TCEA1: variants seen among roughly 807,000 people sequenced by gnomAD.
The protein encoded by TCEA1 is transcription elongation factor A1.
TCEA1 carries 21 observed loss-of-function variants against 43.8 expected under a neutral mutation model. The observed-to-expected ratio is 0.48, with a 90% CI of 0.34 to 0.69. TCEA1 has a LOEUF of 0.69. Ranked by LOEUF, TCEA1 falls within the 30% of genes least tolerant of loss-of-function variation. The pLI is 0.01. For missense variants in TCEA1, 250 were observed against 365.1 expected, an observed-to-expected ratio of 0.68 and a Z score of 2.57; for synonymous variants, 104 against 117.5, an observed-to-expected ratio of 0.88 and a Z score of 0.75.
In TCEA1 at chr8:53,974,550, G is replaced by A. The variant is rs191461939; in HGVS notation, c.826-4087C>T. 2.4e-4 allele frequency among the ~76,000 whole-genome samples: 37 copies of A among 151,306 alleles called. 1 individual carries two copies. The highest frequency in any genetic ancestry group is 5.8e-4 in the East Asian group (3 of 5,134). On this transcript the variant is annotated intron_variant, in intron 8 of 9. Transcript: ENST00000521604. ...GTGGGGGTGGGGGTGGGGGGGGGAC[G>A]GAGTTTCATTCTTGTCACCCAGGCT...
At chr8:54,004,963 G>A (rs986146321) in intron 2 of TCEA1, among the ~76,000 whole-genome samples, 9 of 151,306 alleles carry the variant, frequency 5.9e-5, no homozygotes, top group South Asian at 2.1e-4. Context: ...AAAACTAGCC[G>A]AATCTATTAC....
At chr8:54,019,446 T>C (rs1804951971) in intron 1 of TCEA1, among the ~76,000 whole-genome samples, 1 of 151,860 alleles carries the variant, frequency 6.6e-6, no homozygotes, top group Non-Finnish European at 1.5e-5. Flanking sequence ...GGTGCACACC[T>C]GTAGTCCCAG....
In TCEA1 at chr8:53,981,186, A is replaced by G. The variant is rs544187954; in HGVS notation, c.679-2015T>C. On this transcript the variant is annotated intron_variant, in intron 7 of 9. Transcript: ENST00000521604. ...CATAGTACAAAATGCAAGGTGAAGCAGCAAGTGCTGATGGAGAAGCTACGG... is the reference window on the plus strand; with the variant it reads ...CATAGTACAAAATGCAAGGTGAAGCGGCAAGTGCTGATGGAGAAGCTACGG... Among the ~76,000 whole-genome samples, 2 of 152,388 alleles carry G rather than the reference A, an allele frequency of 1.3e-5. 1 individual carries two copies. Among genetic ancestry groups the G allele is most frequent in the South Asian group, 4.1e-4 (2 of 4,830 alleles).
intron 1 of TCEA1, 42 bp downstream of exon 1, chr8:54,022,021 G>C (rs763146669): frequency 1.3e-6 from 2 of 1,551,472 alleles, no homozygotes; most frequent in Non-Finnish European, 1.7e-6. Flanking sequence ...GCCGGACCGC[G>C]GCCCGGCCTC....
At chr8:53,998,431 T>G (rs1426583398) in intron 3 of TCEA1, among the ~76,000 whole-genome samples, 1 of 152,178 alleles carries the variant, frequency 6.6e-6, no homozygotes, top group Non-Finnish European at 1.5e-5. Context: ...CATACTTTCT[T>G]CTATAGGAAA....
At chr8:53,993,646 A>G (rs755889580) in intron 4 of TCEA1, 22 bp downstream of exon 4, 16 of 1,571,272 alleles carry the variant, frequency 1.0e-5, no homozygotes, top group Admixed American at 8.9e-5. Flanking sequence ...CAATATAAAT[A>G]TATGTCTATA....
chr8:53,990,833 C>G (rs966147079), intron 4 of TCEA1, among the ~76,000 whole-genome samples: 5 of 152,208 alleles, frequency 3.3e-5, no homozygotes, highest in African/African-American at 1.2e-4. Context: ...CCTTTCTAAG[C>G]ATTTAAACAC....
At chr8:53,983,032 C>T (rs1803563144) in intron 7 of TCEA1, among the ~76,000 whole-genome samples, 1 of 152,194 alleles carries the variant, frequency 6.6e-6, no homozygotes, top group Non-Finnish European at 1.5e-5. Flanking sequence ...AAAATTACCA[C>T]AGCCACCTCA....
chr8:54,022,424 T>G lies in TCEA1; in HGVS notation c.-299A>C. ...TGTTCCCGCCAGGCGGGCGTCGGGC[T>G]AGTGGGCAGGCGTGGCTTCCGGCTA... On this transcript the variant is annotated 5_prime_UTR_variant, in exon 1 of 10. Transcript: ENST00000521604. 2.2e-6 allele frequency: 1 copy of G among 457,398 alleles called. No individual in the cohort carries two copies. The highest frequency in any genetic ancestry group is 3.9e-6 in the Non-Finnish European group (1 of 256,494). The allele number at this position is 457,398 out of a possible 1,614,324, so 28.3% of individuals were successfully genotyped here. A position where few individuals can be genotyped will look rare whatever the true frequency, so the allele number is the denominator to read the frequency against.
At chr8:54,015,801 C>T (rs1468689260) in intron 1 of TCEA1, among the ~76,000 whole-genome samples, 1 of 152,088 alleles carries the variant, frequency 6.6e-6, no homozygotes, top group Non-Finnish European at 1.5e-5. Context: ...TGGACTAATC[C>T]AATTTGTACT....
chr8:54,008,172 C>CAAAAAA (rs777634895), intron 2 of TCEA1, among the ~76,000 whole-genome samples: 2 of 42,328 alleles, frequency 4.7e-5, no homozygotes, highest in Non-Finnish European at 8.8e-5. Context: ...AACTGTGTCT[C>CAAAAAA]AAAAAAAAAA....
chr8:54,011,023 A>C (rs753684941), intron 1 of TCEA1, among the ~76,000 whole-genome samples: 5 of 152,196 alleles, frequency 3.3e-5, no homozygotes, highest in Middle Eastern at 3.4e-3. Context: ...AGCTGGTCTC[A>C]AACTTCTGAT....
intron 2 of TCEA1, 134 bp from the exon 3 acceptor site, chr8:54,000,184 T>G: frequency 1.7e-6 from 1 of 581,410 alleles, no homozygotes. Context: ...TGGATCCTTA[T>G]AATAGCAAAT....
At chr8:53,971,288 G>C (rs1349222041) in intron 8 of TCEA1, 1 of 152,256 alleles carries the variant, frequency 6.6e-6, no homozygotes, top group African/African-American at 2.4e-5. Flanking sequence ...AAGAACCTGA[G>C]ATTTTGGGAA....
At chr8:53,993,574 A>T in intron 4 of TCEA1, 94 bp downstream of exon 4, 1 of 934,342 alleles carries the variant, frequency 1.1e-6, no homozygotes, top group Non-Finnish European at 1.6e-6. Context: ...AAACAAAAAA[A>T]GGAGTGTAAA....
intron 8 of TCEA1, chr8:53,971,927 C>T (rs1280444608): frequency 5.5e-6 from 1 of 181,444 alleles, no homozygotes; most frequent in Non-Finnish European, 1.1e-5. Flanking sequence ...AGATAGCTCC[C>T]AACATAAGTC....
At chr8:53,995,619 G>C (rs1446162468) in intron 3 of TCEA1, among the ~76,000 whole-genome samples, 1 of 152,152 alleles carries the variant, frequency 6.6e-6, no homozygotes, top group Non-Finnish European at 1.5e-5. Context: ...TCTCTGTATA[G>C]AATATAGAAG....
intron 8 of TCEA1, 188 bp downstream of exon 8, chr8:53,978,837 G>GA (rs1426283636): frequency 1.7e-5 from 9 of 530,942 alleles, no homozygotes; most frequent in Non-Finnish European, 1.9e-5. Context: ...ATATGTATCG[G>GA]AAAAAACGTG....
chr8:54,016,204 C>T (rs1804819116), intron 1 of TCEA1, among the ~76,000 whole-genome samples: 1 of 152,056 alleles, frequency 6.6e-6, no homozygotes, highest in Non-Finnish European at 1.5e-5. Flanking sequence ...TCGCCAGGCG[C>T]GGTGGCTCAC....
Sources: allele counts gnomAD v4.1 joint callset (sites outside exome capture counted in the v4.1 genomes callset), GRCh38; gene constraint gnomAD v4.1.1; transcripts MANE v1.5; gene names NCBI Gene and HGNC (gene_info 2026-07-23, HGNC 2026-07-21).